The following EXOC4 variants were observed in gnomAD, a reference collection of about 807,000 sequenced individuals.
EXOC4 encodes SEC8-like 1.
Under a neutral mutation model 107.2 loss-of-function variants are expected in EXOC4, and 71 were observed. The ratio of observed to expected loss-of-function variants is 0.66; its 90% confidence interval spans 0.55 to 0.81. EXOC4 has a LOEUF of 0.81. EXOC4 is among the 30% of genes least tolerant of loss of function. The pLI is 0.00. For missense variants in EXOC4, 1,108 were observed against 1,189.6 expected, an observed-to-expected ratio of 0.93 and a Z score of 1.01; for synonymous variants, 456 against 441.2, an observed-to-expected ratio of 1.03 and a Z score of -0.42.
chr7:133,808,782 A>T (rs1185325189), intron 10 of EXOC4, among the ~76,000 whole-genome samples: 1 of 151,986 alleles, frequency 6.6e-6, no homozygotes. Flanking sequence ...TTTTACATAT[A>T]AATCTACCAT....
downstream of EXOC4, among the ~76,000 whole-genome samples, chr7:134,070,195 G>C (rs551242248): frequency 6.6e-6 from 1 of 152,328 alleles, no homozygotes; most frequent in African/African-American, 2.4e-5. Flanking sequence ...ACTAGGCTCG[G>C]CAAGGTGTCA....
At chr7:133,558,045 C>T (rs2150947898) in intron 9 of EXOC4, among the ~76,000 whole-genome samples, 1 of 152,184 alleles carries the variant, frequency 6.6e-6, no homozygotes, top group East Asian at 1.9e-4. Context: ...TAAGTGTTTT[C>T]CCCTCATGCA....
intron 14 of EXOC4, among the ~76,000 whole-genome samples, chr7:133,943,924 C>A (rs945120075): frequency 6.6e-6 from 1 of 152,034 alleles, no homozygotes; most frequent in Non-Finnish European, 1.5e-5. Context: ...TATAACACAC[C>A]CCAATTCATG....
intron 9 of EXOC4, among the ~76,000 whole-genome samples, chr7:133,522,376 A>G (rs1265102601): frequency 6.6e-6 from 1 of 152,178 alleles, no homozygotes; most frequent in East Asian, 1.9e-4. Flanking sequence ...TAAAGACAGT[A>G]ATATGATGGA....
At chr7:133,457,678 A>G (rs981660607) in intron 7 of EXOC4, among the ~76,000 whole-genome samples, 1 of 152,230 alleles carries the variant, frequency 6.6e-6, no homozygotes, top group Non-Finnish European at 1.5e-5. Context: ...CTCTGCCGGA[A>G]GGACTTCACA....
intron 10 of EXOC4, among the ~76,000 whole-genome samples, chr7:133,796,603 TAAAA>T (rs754470737): frequency 2.0e-5 from 3 of 151,854 alleles, no homozygotes; most frequent in African/African-American, 4.8e-5. Flanking sequence ...ACAAAAAATA[TAAAA>T]ATTAGCTGGG....
chr7:133,640,639 TC>T (rs1247384088), intron 10 of EXOC4, among the ~76,000 whole-genome samples: 1 of 152,160 alleles, frequency 6.6e-6, no homozygotes, highest in Non-Finnish European at 1.5e-5. Context: ...CACATTCTCT[TC>T]ATGATGAATG....
intron 5 of EXOC4, among the ~76,000 whole-genome samples, chr7:133,339,936 A>T (rs1313863043): frequency 6.6e-6 from 1 of 152,126 alleles, no homozygotes; most frequent in Non-Finnish European, 1.5e-5. Context: ...TAGGTATGTG[A>T]TCATCATATC....
rs57983951 is a variant in EXOC4, at chr7:133,347,244, C to CT, written c.764-9071dup. ...CAAGGATATATAGACGTAAACTATA[C>CT]TTTTTTTTTTTTTTTGTGAGGCAGA... On this transcript the variant is annotated intron_variant, in intron 5 of 17. Transcript: ENST00000253861. Among the ~76,000 whole-genome samples the CT allele has an allele frequency of 2.2e-3, 300 of 139,442 alleles. 3 individuals carry two copies. Among genetic ancestry groups the CT allele is most frequent in the East Asian group, 4.7e-3 (23 of 4,876 alleles). The allele number at this position is 139,442 out of a possible 152,430, so 91.5% of individuals were successfully genotyped here.
chr7:133,947,516 T>G (rs1309140030), intron 14 of EXOC4, among the ~76,000 whole-genome samples: 2 of 152,200 alleles, frequency 1.3e-5, no homozygotes, highest in African/African-American at 4.8e-5. Context: ...AAGGCACCTT[T>G]TGTTCTTCAA....
intron 9 of EXOC4, among the ~76,000 whole-genome samples, chr7:133,512,755 C>T (rs1374609552): frequency 6.6e-6 from 1 of 152,192 alleles, no homozygotes; most frequent in African/African-American, 2.4e-5. Context: ...TGATTTTTGG[C>T]AAGTTACTCC....
chr7:133,489,084 A>G (rs1012229741), intron 9 of EXOC4, among the ~76,000 whole-genome samples: 4 of 150,998 alleles, frequency 2.6e-5, no homozygotes, highest in Non-Finnish European at 5.9e-5. Context: ...AGCAGGCAGA[A>G]CTGAATAGCC....
intron 10 of EXOC4, among the ~76,000 whole-genome samples, chr7:133,747,738 A>G (rs184264115): frequency 6.6e-6 from 1 of 152,180 alleles, no homozygotes; most frequent in Non-Finnish European, 1.5e-5. Context: ...TCCTCAGAGG[A>G]TCCAACTGAC....
At chr7:134,089,454 A>G in the EXOC4 span, among the ~76,000 whole-genome samples, 1 of 152,136 alleles carries the variant, frequency 6.6e-6, no homozygotes, top group Non-Finnish European at 1.5e-5. Context: ...AGCCATTTTA[A>G]TTATGTACTA....
chr7:133,846,506 C>T (rs191310866), intron 11 of EXOC4, among the ~76,000 whole-genome samples: 26 of 152,250 alleles, frequency 1.7e-4, no homozygotes, highest in African/African-American at 6.3e-4. Flanking sequence ...TTAGGGAGTC[C>T]CTTTCCAGTA....
At position 133,269,530 on chromosome 7, in the gene EXOC4, A is replaced by G. The variant is rs1793814537; in HGVS notation, c.87-5452A>G. Among the ~76,000 whole-genome samples the G allele has an allele frequency of 2.0e-5, 3 of 152,314 alleles. No homozygotes were observed. The Middle Eastern group carries it at 0.01, about 518-fold the overall frequency. The stretch of plus-strand genomic sequence containing the variant: ...ATTGCCTGGTGTATTATAGATGCTC[A>G]GTAGTTTTTATCCTGTGTCTCACTT... On this transcript the variant is annotated intron_variant, in intron 1 of 17. Transcript: ENST00000253861.
At chr7:133,585,478 T>C (rs1563117052) in intron 9 of EXOC4, among the ~76,000 whole-genome samples, 1 of 152,102 alleles carries the variant, frequency 6.6e-6, no homozygotes, top group Non-Finnish European at 1.5e-5. Context: ...ATCACTGTCA[T>C]TGGCCAGGGG....
At chr7:133,986,336 A>G (rs1322929492) in intron 14 of EXOC4, among the ~76,000 whole-genome samples, 1 of 152,232 alleles carries the variant, frequency 6.6e-6, no homozygotes, top group Non-Finnish European at 1.5e-5. Context: ...GCCCATCCTT[A>G]TGTAGAAACA....
intron 9 of EXOC4, among the ~76,000 whole-genome samples, chr7:133,536,010 A>G (rs1028250053): frequency 6.6e-6 from 1 of 152,196 alleles, no homozygotes; most frequent in African/African-American, 2.4e-5. Flanking sequence ...GTTTTTGTTC[A>G]GAAATGAAAC....
Sources: gnomAD v4.1 joint callset for allele counts (sites outside exome capture counted in the v4.1 genomes callset) on GRCh38, gnomAD v4.1.1 for gene constraint, MANE v1.5 for transcripts, NCBI Gene and HGNC (gene_info 2026-07-23, HGNC 2026-07-21) for gene names.